Variants in COL15A1 observed in about 807,000 individuals in gnomAD.
COL15A1 encodes the protein collagen type XV alpha 1 chain.
In COL15A1, 111 loss-of-function variants were observed where a neutral mutation model predicts 165.9. The ratio of observed to expected loss-of-function variants is 0.67; its 90% CI spans 0.57 to 0.78. COL15A1 has a LOEUF of 0.78. Among genes scored for constraint, COL15A1 ranks in the 30% least tolerant of loss-of-function variants. The pLI is 0.00. For missense variants in COL15A1, 1,745 were observed against 1,789.7 expected (o/e 0.98, Z 0.45); for synonymous variants, 659 against 674.8 (o/e 0.98, Z 0.36).
At chr9:99,064,335 C>T (rs1306623987) in intron 39 of COL15A1, among the ~76,000 whole-genome samples, 1 of 152,178 alleles carries the variant, frequency 6.6e-6, no homozygotes, top group Non-Finnish European at 1.5e-5. Context: ...GGTCTAAGGC[C>T]ACTCCTTATG....
At chr9:98,953,789 C>G (rs1837729946) in intron 2 of COL15A1, among the ~76,000 whole-genome samples, 1 of 152,210 alleles carries the variant, frequency 6.6e-6, no homozygotes, top group Non-Finnish European at 1.5e-5. Flanking sequence ...CCTCCCATCA[C>G]TGAGGGACTC....
intron 3 of COL15A1, among the ~76,000 whole-genome samples, chr9:98,986,961 T>G (rs1838325499): frequency 6.6e-6 from 1 of 152,072 alleles, no homozygotes; most frequent in Non-Finnish European, 1.5e-5. Flanking sequence ...GGAAAGAGCT[T>G]TCTGGGAGAG....
intron 11 of COL15A1, among the ~76,000 whole-genome samples, chr9:99,017,235 G>T (rs79782990): frequency 0.014 from 2,197 of 152,320 alleles, 58 homozygotes; most frequent in African/African-American, 0.051. Context: ...TTCCTCTTCA[G>T]TATAAGGTGA....
rs752286107 is a variant in COL15A1, at chr9:99,023,469, C to T, written c.1854+20C>T. ...CTGAGAGTGAGTGTGAAGGAGGACA[C>T]GACCTGGTGTCTGGGACTGCCTTCA... On this transcript the variant is annotated intron_variant, in intron 14 of 41. Transcript: ENST00000375001. 101 of 1,101,332 alleles carry T rather than the reference C, an allele frequency of 9.2e-5. No homozygotes were observed. The highest frequency in any genetic ancestry group is 7.3e-4 in the South Asian group (58 of 79,404). The allele number at this position is 1,101,332 out of a possible 1,614,324, so 68.2% of individuals were successfully genotyped here.
intron 2 of COL15A1, among the ~76,000 whole-genome samples, chr9:98,971,526 C>T (rs1036509429): frequency 2.0e-5 from 3 of 152,056 alleles, no homozygotes; most frequent in African/African-American, 4.8e-5. Context: ...CACGCCTGCC[C>T]GCACCTGCTG....
Position 99,034,603 on chromosome 9 carries a change from A to G in COL15A1, c.2079+19A>G. 2 of 1,486,964 alleles carry G rather than the reference A, an allele frequency of 1.3e-6. No homozygotes were observed. The highest frequency in any genetic ancestry group is 1.8e-6 in the Non-Finnish European group (2 of 1,123,742). The allele number at this position is 1,486,964 out of a possible 1,614,324, so 92.1% of individuals were successfully genotyped here. The stretch of plus-strand genomic sequence containing the variant: ...TGAAAAGGTAAAAAAAAAAAAAAAA[A>G]AAAAAAAAAAAGAACTTTCTTCTCC... On this transcript the variant is annotated intron_variant, in intron 17 of 41. Coordinates refer to ENST00000375001, the MANE Select transcript of COL15A1 (RefSeq NM_001855.5).
At position 99,054,628 on chromosome 9, in the gene COL15A1, A is replaced by G. The variant is rs1825686414; in HGVS notation, c.3003A>G (p.Lys1001=). The G allele has an allele frequency of 6.2e-7, 1 of 1,612,774 alleles. No individual in the cohort carries two copies. Among genetic ancestry groups the G allele is most frequent in the South Asian group, 1.1e-5 (1 of 90,864 alleles). ...SWGLPGSKGE[K]GDQGAQGPPG... The stretch of plus-strand genomic sequence containing the variant: ...GTCTTCCTGGCTCAAAGGGAGAAAA[A>G]GGCGACCAGGGAGCCCAGGGACCAC... Residue 1001 remains lysine, a synonymous_variant, in exon 32 of 42, where the codon AAA becomes AAG. Transcript: ENST00000375001.
chr9:99,016,382 G>A (rs75709350), intron 11 of COL15A1, among the ~76,000 whole-genome samples: 20,806 of 152,196 alleles, frequency 0.14, 1,973 homozygotes, highest in East Asian at 0.43. Context: ...AGATCTAACA[G>A]TCAGTGTTCT....
At chr9:98,987,051 C>A (rs1302347835) in intron 3 of COL15A1, among the ~76,000 whole-genome samples, 1 of 152,132 alleles carries the variant, frequency 6.6e-6, no homozygotes, top group African/African-American at 2.4e-5. Context: ...CACACTTGAA[C>A]ACAATGCTCC....
chr9:99,058,533 T>C (rs1825762433), intron 35 of COL15A1, among the ~76,000 whole-genome samples: 1 of 152,154 alleles, frequency 6.6e-6, no homozygotes, highest in Non-Finnish European at 1.5e-5. Flanking sequence ...GAAAAACTGT[T>C]GTCCACAGCA....
At chr9:98,959,472 A>T (rs936898919) in intron 2 of COL15A1, among the ~76,000 whole-genome samples, 23 of 152,118 alleles carry the variant, frequency 1.5e-4, no homozygotes, top group African/African-American at 4.8e-4. Flanking sequence ...CTGAGCACAG[A>T]CATAAACTGA....
At chr9:99,043,344 G>A (rs1839443749) in intron 24 of COL15A1, among the ~76,000 whole-genome samples, 1 of 152,062 alleles carries the variant, frequency 6.6e-6, no homozygotes, top group African/African-American at 2.4e-5. Flanking sequence ...CTCAGGCTTG[G>A]GAGGAGGCCC....
At chr9:98,954,894 G>A (rs1352386538) in intron 2 of COL15A1, among the ~76,000 whole-genome samples, 1 of 152,106 alleles carries the variant, frequency 6.6e-6, no homozygotes, top group Non-Finnish European at 1.5e-5. Context: ...TTACTCAAAA[G>A]AGCTGAGGGC....
At chr9:98,982,501 A>G (rs16918106) in intron 2 of COL15A1, among the ~76,000 whole-genome samples, 31,733 of 152,064 alleles carry the variant, frequency 0.21, 3,710 homozygotes, top group African/African-American at 0.31. Context: ...GTCTGGTACG[A>G]TAGAAACTTA....
At chr9:99,044,097 A>T (rs1475111633) in intron 24 of COL15A1, among the ~76,000 whole-genome samples, 1 of 152,186 alleles carries the variant, frequency 6.6e-6, no homozygotes, top group African/African-American at 2.4e-5. Context: ...AACAAGAATA[A>T]GTATTCTTGG....
In COL15A1 at chr9:99,005,029, C is replaced by G. The variant is rs145422418; in HGVS notation, c.1332C>G (p.Ser444Arg). The G allele has an allele frequency of 6.2e-7, 1 of 1,610,822 alleles. No homozygotes were observed. The highest frequency in any genetic ancestry group is 8.5e-7 in the Non-Finnish European group (1 of 1,178,402). ...GELDLSMSAQ[S>R]LGEEATVGPS... is the part of the protein sequence containing the mutation. ...TGGACCTCTCCATGTCCGCCCAGAG[C>G]CTCGGGGAAGAGGCCACTGTGGTAA... Residue 444 changes from serine to arginine, a missense_variant, in exon 9 of 42, where the codon AGC becomes AGG. Transcript: ENST00000375001.
chr9:99,000,312 G>A (rs540133888), intron 6 of COL15A1, among the ~76,000 whole-genome samples: 1 of 149,928 alleles, frequency 6.7e-6, no homozygotes, highest in Admixed American at 6.6e-5. Flanking sequence ...AAATATATAA[G>A]CACATACATA....
chr9:98,967,014 T>C (rs1837969317), intron 2 of COL15A1, among the ~76,000 whole-genome samples: 1 of 152,226 alleles, frequency 6.6e-6, no homozygotes, highest in Non-Finnish European at 1.5e-5. Flanking sequence ...TGTACATTCA[T>C]TCGTTCATTC....
intron 2 of COL15A1, among the ~76,000 whole-genome samples, chr9:98,952,224 A>T (rs958209220): frequency 5.9e-5 from 9 of 152,284 alleles, no homozygotes; most frequent in African/African-American, 2.2e-4. Context: ...TGTGGTGTGT[A>T]AGTCATTCCA....
Sources: gnomAD v4.1 joint callset for allele counts (sites outside exome capture counted in the v4.1 genomes callset) on GRCh38, gnomAD v4.1.1 for gene constraint, MANE v1.5 for transcripts, NCBI Gene and HGNC (gene_info 2026-07-23, HGNC 2026-07-21) for gene names.